Variants in DYNC2H1 observed in about 807,000 individuals in gnomAD.
The protein encoded by DYNC2H1 is dynein cytoplasmic 2 heavy chain 1.
DYNC2H1 carries 410 observed loss-of-function variants against 570.0 expected under a neutral mutation model. The observed-to-expected ratio is 0.72, with a 90% confidence interval of 0.66 to 0.78. The LOEUF (loss-of-function observed/expected upper bound fraction) is 0.78. Ranked by LOEUF, DYNC2H1 falls within the 30% of genes least tolerant of loss-of-function variation. The pLI, the probability that DYNC2H1 is intolerant of heterozygous loss-of-function variation, is 0.00. For synonymous variants in DYNC2H1, 1,688 were observed against 1,677.6 expected (o/e 1.01, Z -0.15); for missense variants, 4,865 against 5,046.4 (o/e 0.96, Z 1.09).
chr11:103,431,912 C>T (rs1374667706), intron 84 of DYNC2H1, among the ~76,000 whole-genome samples: 1 of 152,050 alleles, frequency 6.6e-6, no homozygotes, highest in Non-Finnish European at 1.5e-5. Flanking sequence ...AAGAATTGGG[C>T]CCTTTCTGTT....
At chr11:103,309,744 G>A (rs1867487627) in intron 78 of DYNC2H1, among the ~76,000 whole-genome samples, 1 of 151,944 alleles carries the variant, frequency 6.6e-6, no homozygotes, top group African/African-American at 2.4e-5. Context: ...GAGGGCAGGG[G>A]GTATTTTTTT....
At chr11:103,408,489 G>A (rs1212331763) in intron 84 of DYNC2H1, 1 of 152,002 alleles carries the variant, frequency 6.6e-6, no homozygotes, top group East Asian at 1.9e-4. Flanking sequence ...GTTTGATTGA[G>A]ATAGTATCAT....
In DYNC2H1 at chr11:103,130,165, G is replaced by A. The variant is rs775827545; in HGVS notation, c.1953+1160G>A. ...AAGATCATTAGAGACTCAAAACCTA[G>A]GTTTTTATCGGGGATGGCCACGTAG... On this transcript the variant is annotated intron_variant, in intron 13 of 88. Coordinates refer to ENST00000375735, the MANE Select transcript of DYNC2H1 (RefSeq NM_001377.3). 1.5e-4 allele frequency among the ~76,000 whole-genome samples: 23 copies of A among 152,246 alleles called. 1 individual carries two copies. The highest frequency in any genetic ancestry group is 3.9e-4 in the Admixed American group (6 of 15,298).
In DYNC2H1 at chr11:103,245,507, T is replaced by C. The variant is rs1009145374; in HGVS notation, c.10042+133T>C. The C allele has an allele frequency of 5.9e-6, 5 of 846,334 alleles. No individual in the cohort carries two copies. In the Admixed American group the frequency reaches 1.2e-4, roughly 21 times the overall value. 52.4% of individuals were successfully genotyped at this position (846,334 alleles called of 1,614,324 possible). On this transcript the variant is annotated intron_variant, in intron 65 of 88. Coordinates refer to ENST00000375735, the MANE Select transcript of DYNC2H1 (RefSeq NM_001377.3). The surrounding 1 kb of genome is among the most constrained non-coding windows in gnomAD (Gnocchi z 4.5). ...GATGGGCTTACTTCCTTCAGCAATA[T>C]GTGTAAAGTTGTGACAATATGTGTA...
chr11:103,173,067 T>A lies in DYNC2H1; in HGVS notation c.5335-15T>A, dbSNP rs774984944. On this transcript the variant is annotated splice_polypyrimidine_tract_variant and intron_variant, in intron 34 of 88. Transcript: ENST00000375735. Reference sequence around the variant, plus strand: ...TATTTAATATTTAAATTAATATTTTTAATTAATATTTCAGGTAGAAGTAAA... The same window carrying A: ...TATTTAATATTTAAATTAATATTTTAAATTAATATTTCAGGTAGAAGTAAA... 26 of 1,182,348 alleles carry A rather than the reference T, an allele frequency of 2.2e-5. No individual in the cohort carries two copies. The highest frequency in any genetic ancestry group is 2.7e-5 in the Non-Finnish European group (25 of 915,426). 73.2% of individuals were successfully genotyped at this position (1,182,348 alleles called of 1,614,324 possible).
At chr11:103,137,707 T>C (rs1270826656) in intron 17 of DYNC2H1, among the ~76,000 whole-genome samples, 24 of 152,150 alleles carry the variant, frequency 1.6e-4, no homozygotes, top group Non-Finnish European at 2.6e-4. Flanking sequence ...CTTGGCAATG[T>C]GGGCTCTTTT....
Position 103,228,377 on chromosome 11 carries a change from C to T in DYNC2H1, c.9354-2883C>T, listed in dbSNP as rs1028889665. ...GATCAGATTCTTTTGTCTCATGGGG[C>T]GCTCCCTTGCTGTGATGGTCTTTCC... On this transcript the variant is annotated intron_variant, in intron 59 of 88. Coordinates refer to ENST00000375735, the MANE Select transcript of DYNC2H1 (RefSeq NM_001377.3). The surrounding 1 kb of genome is among the most constrained non-coding windows in gnomAD (Gnocchi z 6.1). Among the ~76,000 whole-genome samples the T allele has an allele frequency of 4.6e-5, 7 of 152,180 alleles. No individual in the cohort carries two copies. Among genetic ancestry groups the T allele is most frequent in the South Asian group, 2.1e-4 (1 of 4,816 alleles).
chr11:103,200,038 T>C lies in DYNC2H1; in HGVS notation c.8089-8T>C. 1 of 1,563,408 alleles carries C rather than the reference T, an allele frequency of 6.4e-7. No individual in the cohort carries two copies. The highest frequency in any genetic ancestry group is 8.7e-7 in the Non-Finnish European group (1 of 1,150,906). ...AAGGGCACTAAAAAATATTTTCTGA[T>C]TTTGCAGGTGCTGCAACTTGCAGGA... On this transcript the variant is annotated splice_polypyrimidine_tract_variant and splice_region_variant and intron_variant, in intron 49 of 88. Transcript: ENST00000375735.
At chr11:103,364,974 C>A (rs1274131060) in intron 83 of DYNC2H1, among the ~76,000 whole-genome samples, 1 of 152,188 alleles carries the variant, frequency 6.6e-6, no homozygotes, top group African/African-American at 2.4e-5. Context: ...CCTTCTACTG[C>A]AGGCCAAGGA....
intron 83 of DYNC2H1, among the ~76,000 whole-genome samples, chr11:103,381,013 CA>C (rs1253173668): frequency 8.6e-5 from 13 of 152,008 alleles, no homozygotes; most frequent in Non-Finnish European, 2.9e-5. Flanking sequence ...ATCCTTTAGA[CA>C]AGGAGGATTT....
In DYNC2H1 at chr11:103,173,296, A is replaced by G. The variant is rs745928254; in HGVS notation, c.5549A>G (p.Asn1850Ser). 24 of 1,571,192 alleles carry G rather than the reference A, an allele frequency of 1.5e-5. No homozygotes were observed. The highest frequency in any genetic ancestry group is 4.9e-5 in the East Asian group (2 of 41,224). The stretch of plus-strand genomic sequence containing the variant: ...AGCAGAAAATTGGTAGCTATTTTCA[A>G]TCTATCTAGGTGAGTTTTCTTGTTC... ...VLSRKLVAIF[N>S]LSRELLTPQQ... The change falls in exon 35 of 89, where the codon AAT (asparagine) becomes AGT (serine). Residue 1850 changes from asparagine (N) to serine (S), a missense_variant. This residue lies in a region of DYNC2H1 where 292 missense variants were observed against 300.2 expected (regional missense o/e 0.97). Coordinates refer to ENST00000375735, the MANE Select transcript of DYNC2H1 (RefSeq NM_001377.3).
intron 83 of DYNC2H1, among the ~76,000 whole-genome samples, chr11:103,372,365 A>G (rs370475090): frequency 6.6e-6 from 1 of 152,032 alleles, no homozygotes; most frequent in Non-Finnish European, 1.5e-5. Flanking sequence ...TTATCTGTGC[A>G]TTTGTCAAGT....
At position 103,151,157 on chromosome 11, in the gene DYNC2H1, T is replaced by A. The variant is rs1407033366; in HGVS notation, c.2947-979T>A. Among the ~76,000 whole-genome samples, 1 of 152,076 alleles carries A rather than the reference T, an allele frequency of 6.6e-6. No homozygotes were observed. Among genetic ancestry groups the A allele is most frequent in the Non-Finnish European group, 1.5e-5 (1 of 68,016 alleles). Reference sequence around the variant, plus strand: ...CGTGTAGAAAATTAAAATCCTGAGGTGTCCAATCATAGTTCACTGCAGCCT... The same window carrying A: ...CGTGTAGAAAATTAAAATCCTGAGGAGTCCAATCATAGTTCACTGCAGCCT... On this transcript the variant is annotated intron_variant, in intron 20 of 88. Coordinates refer to ENST00000375735, the MANE Select transcript of DYNC2H1 (RefSeq NM_001377.3). This position sits in a 1 kb window ranked among gnomAD's most constrained non-coding sequence, Gnocchi z 4.6.
chr11:103,366,196 T>C (rs931418491), intron 83 of DYNC2H1, among the ~76,000 whole-genome samples: 3 of 152,136 alleles, frequency 2.0e-5, no homozygotes, highest in African/African-American at 7.2e-5. Context: ...AATGTAAGAG[T>C]CACTTTTCAT....
In DYNC2H1 at chr11:103,164,365, C is replaced by G. The variant is rs1861214473; in HGVS notation, c.4611+1218C>G. Among the ~76,000 whole-genome samples the G allele has an allele frequency of 3.3e-5, 5 of 152,100 alleles. No individual in the cohort carries two copies. In the South Asian group the frequency reaches 1.0e-3, roughly 32 times the overall value. On this transcript the variant is annotated intron_variant, in intron 30 of 88. Coordinates refer to ENST00000375735, the MANE Select transcript of DYNC2H1 (RefSeq NM_001377.3). ...ACTAAAAATGTAAATAGTTCATTAT[C>G]TACTAAAATAAAGAATTCTAGTTTA...
At position 103,220,619 on chromosome 11, in the gene DYNC2H1, T is replaced by C. The variant is rs1037139452; in HGVS notation, c.8947-4T>C. On this transcript the variant is annotated splice_polypyrimidine_tract_variant and splice_region_variant and intron_variant, in intron 56 of 88. Transcript: ENST00000375735. Reference sequence around the variant, plus strand: ...AAGATAAAAATGGCCTTTTTCTCTTTTAGCCTTTAGTCAATGAAGCTAAAC... The same window carrying C: ...AAGATAAAAATGGCCTTTTTCTCTTCTAGCCTTTAGTCAATGAAGCTAAAC... 32 of 1,590,828 alleles carry C rather than the reference T, an allele frequency of 2.0e-5. No individual in the cohort carries two copies. Among genetic ancestry groups the C allele is most frequent in the Non-Finnish European group, 2.7e-5 (32 of 1,170,186 alleles).
intron 85 of DYNC2H1, among the ~76,000 whole-genome samples, chr11:103,451,919 G>A (rs1351133489): frequency 3.3e-5 from 5 of 151,722 alleles, no homozygotes; most frequent in African/African-American, 1.2e-4. Flanking sequence ...AGTTTTAATG[G>A]TATATATATA....
chr11:103,183,476 G>A (rs76422764), intron 40 of DYNC2H1, among the ~76,000 whole-genome samples: 2,103 of 151,850 alleles, frequency 0.014, 41 homozygotes, highest in African/African-American at 0.041. Context: ...AGGTCACACC[G>A]CTGTTTGTTT....
At chr11:103,406,893 C>T (rs1238777100) in intron 84 of DYNC2H1, 1 of 151,778 alleles carries the variant, frequency 6.6e-6, no homozygotes, top group African/African-American at 2.4e-5. Flanking sequence ...TTCCTTGGGT[C>T]ACTTTTGGGA....
Sources: allele counts gnomAD v4.1 joint callset (sites outside exome capture counted in the v4.1 genomes callset), GRCh38; gene constraint gnomAD v4.1.1; regional missense constraint gnomAD v4.1.1; non-coding constraint Gnocchi (gnomAD v3.1); transcripts MANE v1.5; gene names NCBI Gene and HGNC (gene_info 2026-07-23, HGNC 2026-07-21).